The following WDPCP variants were observed in gnomAD, a reference collection of about 807,000 sequenced individuals.
WDPCP encodes WD repeat-containing and planar cell polarity effector protein fritz homolog.
In WDPCP, 71 loss-of-function variants were observed where a neutral mutation model predicts 93.1. The ratio of observed to expected loss-of-function variants is 0.76; its 90% CI spans 0.63 to 0.93. WDPCP has a LOEUF of 0.93. Ranked by LOEUF, WDPCP falls within the 40% of genes least tolerant of loss-of-function variation. The probability of loss-of-function intolerance (pLI) is 0.00; values close to 1 mark genes in which losing one functional copy is unlikely to be tolerated. For missense variants in WDPCP, 844 were observed against 887.4 expected (o/e 0.95, Z 0.62); for synonymous variants, 315 against 315.0 (o/e 1.00, Z 0.00).
At position 63,439,848 on chromosome 2, in the gene WDPCP, C is replaced by G. The variant is rs750123183; in HGVS notation, c.408G>C (p.Leu136=). 2 of 1,613,032 alleles carry G rather than the reference C, an allele frequency of 1.2e-6. No individual in the cohort carries two copies. The highest frequency in any genetic ancestry group is 1.7e-6 in the Non-Finnish European group (2 of 1,179,386). The change falls in exon 7 of 18, where the codon CTG becomes CTC. Residue 136 remains leucine, a synonymous_variant. Transcript: ENST00000272321. ...VCQLLFGSGV[L]VSLSLSGPQL... ...GCGGCCCAGAAAGGCTTAGAGACAC[C>G]AGCACACCTGAACCAAAAAGGAGCT...
intron 14 of WDPCP, among the ~76,000 whole-genome samples, chr2:63,202,663 T>C (rs1676005016): frequency 6.6e-6 from 1 of 152,160 alleles, no homozygotes; most frequent in Admixed American, 6.5e-5. Flanking sequence ...CCATAAAGCG[T>C]TACATCTTCC....
At chr2:63,530,865 C>T (rs1468681976) in intron 1 of WDPCP, among the ~76,000 whole-genome samples, 2 of 96,188 alleles carry the variant, frequency 2.1e-5, no homozygotes, top group Non-Finnish European at 4.1e-5. Flanking sequence ...GTAGCCCACA[C>T]AGTGTGAGCC....
intron 14 of WDPCP, among the ~76,000 whole-genome samples, chr2:63,232,298 A>C (rs1217437137): frequency 1.3e-5 from 2 of 152,254 alleles, no homozygotes. Flanking sequence ...AGGTATTCTT[A>C]AGAGTCCAGA....
intron 2 of WDPCP, among the ~76,000 whole-genome samples, chr2:63,655,420 G>GTA (rs10572781): frequency 0.011 from 1,630 of 149,456 alleles, 12 homozygotes; most frequent in Middle Eastern, 0.025. Flanking sequence ...ATATACACAC[G>GTA]TATATATATA....
chr2:63,339,491 GT>G (rs1176785445), intron 12 of WDPCP, among the ~76,000 whole-genome samples: 1 of 152,024 alleles, frequency 6.6e-6, no homozygotes, highest in African/African-American at 2.4e-5. Context: ...TTTTTAGATT[GT>G]TTGCTGTTGG....
At chr2:63,181,571 T>C (rs988033485) in intron 14 of WDPCP, among the ~76,000 whole-genome samples, 1 of 152,204 alleles carries the variant, frequency 6.6e-6, no homozygotes, top group Non-Finnish European at 1.5e-5. Flanking sequence ...TTTATACAAG[T>C]ACCATGCTGT....
At chr2:63,488,968 G>A (rs1391781530) in intron 2 of WDPCP, among the ~76,000 whole-genome samples, 1 of 152,120 alleles carries the variant, frequency 6.6e-6, no homozygotes, top group Middle Eastern at 3.4e-3. Context: ...GATGGGGAAG[G>A]TGTCCATTCA....
intron 12 of WDPCP, among the ~76,000 whole-genome samples, chr2:63,344,096 G>T (rs749037279): frequency 3.3e-5 from 5 of 151,276 alleles, no homozygotes; most frequent in Non-Finnish European, 7.4e-5. Flanking sequence ...TTAAACTTTT[G>T]TTGACATTTT....
intron 11 of WDPCP, among the ~76,000 whole-genome samples, chr2:63,380,400 G>A (rs565256327): frequency 5.3e-5 from 8 of 152,076 alleles, no homozygotes; most frequent in Admixed American, 2.6e-4. Context: ...ATTGAGTACC[G>A]AAGTAGTGGG....
intron 12 of WDPCP, among the ~76,000 whole-genome samples, chr2:63,365,488 C>CA (rs1402716785): frequency 6.6e-6 from 1 of 151,886 alleles, no homozygotes; most frequent in Non-Finnish European, 1.5e-5. Flanking sequence ...GTGAGAACTA[C>CA]AAAAAAAATT....
chr2:63,807,042 G>A (rs938700978), intron 2 of WDPCP, among the ~76,000 whole-genome samples: 12 of 152,216 alleles, frequency 7.9e-5, no homozygotes, highest in Non-Finnish European at 1.8e-4. Context: ...TTGGGGAAGT[G>A]ATAAGTGTCC....
At chr2:63,346,967 TTAA>T (rs1689235319) in intron 12 of WDPCP, among the ~76,000 whole-genome samples, 1 of 152,192 alleles carries the variant, frequency 6.6e-6, no homozygotes. Context: ...TTTGTCCAGT[TTAA>T]TAATTGTCTA....
intron 6 of WDPCP, among the ~76,000 whole-genome samples, chr2:63,466,860 T>A (rs1368501969): frequency 6.6e-6 from 1 of 152,190 alleles, no homozygotes; most frequent in East Asian, 1.9e-4. Flanking sequence ...TCCAAAACGT[T>A]ATTAGTCATG....
At chr2:63,648,774 A>G (rs1710079554) in intron 3 of WDPCP, among the ~76,000 whole-genome samples, 1 of 152,234 alleles carries the variant, frequency 6.6e-6, no homozygotes, top group African/African-American at 2.4e-5. Context: ...GACCTTAGAA[A>G]TGGTCCACTC....
At chr2:63,309,330 G>A (rs1218638008) in intron 13 of WDPCP, among the ~76,000 whole-genome samples, 4 of 152,122 alleles carry the variant, frequency 2.6e-5, no homozygotes, top group African/African-American at 9.7e-5. Context: ...TAACATTTAT[G>A]TACCTAATAC....
chr2:63,555,580 C>T (rs1019608842), intron 1 of WDPCP, among the ~76,000 whole-genome samples: 5 of 152,304 alleles, frequency 3.3e-5, no homozygotes, highest in African/African-American at 1.2e-4. Flanking sequence ...ACACCTTATA[C>T]AGGAGCATTC....
At chr2:63,243,944 CTAGGATTGACCACA>C (rs1056277617) in intron 14 of WDPCP, among the ~76,000 whole-genome samples, 1 of 151,962 alleles carries the variant, frequency 6.6e-6, no homozygotes, top group Non-Finnish European at 1.5e-5. Context: ...ACAACATATT[CTAGGATTGACCACA>C]TAGGATTGAC....
chr2:63,630,322 T>C (rs1709851845), intron 3 of WDPCP, among the ~76,000 whole-genome samples: 1 of 152,066 alleles, frequency 6.6e-6, no homozygotes, highest in Admixed American at 6.6e-5. Context: ...TCTAAAGGCA[T>C]CAGTTAAAAG....
chr2:63,614,584 C>G (rs1313458491), intron 3 of WDPCP, among the ~76,000 whole-genome samples: 3 of 152,182 alleles, frequency 2.0e-5, no homozygotes, highest in Non-Finnish European at 2.9e-5. Flanking sequence ...CTCTTATCCT[C>G]TTGTCTCCCA....
Sources: allele counts gnomAD v4.1 joint callset (sites outside exome capture counted in the v4.1 genomes callset), GRCh38; gene constraint gnomAD v4.1.1; transcripts MANE v1.5; gene names NCBI Gene and HGNC (gene_info 2026-07-23, HGNC 2026-07-21).